Variants in TSC1 observed in about 807,000 individuals in gnomAD.
TSC1 encodes the protein TSC complex subunit 1, also known as hamartin.
A neutral mutation model predicts 124.3 loss-of-function variants in TSC1; 20 were observed. The ratio of observed to expected loss-of-function variants is 0.16; its 90% CI spans 0.11 to 0.23. The LOEUF is 0.23. TSC1 is among the 10% of genes least tolerant of loss of function. The pLI is 1.00. For missense variants in TSC1, 1,124 were observed against 1,448.5 expected (o/e 0.78, Z 3.64); for synonymous variants, 493 against 539.1 (o/e 0.91, Z 1.19).
chr9:132,904,711 G>A (rs545424229), intron 15 of TSC1, among the ~76,000 whole-genome samples: 7 of 152,316 alleles, frequency 4.6e-5, no homozygotes, highest in South Asian at 2.1e-4. Flanking sequence ...AATCCAGAGC[G>A]GAGAGGGTTG....
intron 8 of TSC1, among the ~76,000 whole-genome samples, chr9:132,916,271 C>T (rs950263385): frequency 2.0e-5 from 3 of 152,034 alleles, no homozygotes; most frequent in Non-Finnish European, 4.4e-5. Context: ...AAAGTCAATA[C>T]GGTACTAAAG....
At position 132,896,488 on chromosome 9, in the gene TSC1, A is replaced by G. The variant is rs2131599348; in HGVS notation, c.3242T>C (p.Leu1081Pro). 6.2e-7 allele frequency: 1 copy of G among 1,614,234 alleles called. No individual in the cohort carries two copies. The highest frequency in any genetic ancestry group is 8.5e-7 in the Non-Finnish European group (1 of 1,180,044). Reference sequence around the variant, plus strand: ...ACCCAGGAAGCTTTTTGAACTGGGAAGTGAGCCCACAGTGGTGGGGATGCT... The same window carrying G: ...ACCCAGGAAGCTTTTTGAACTGGGAGGTGAGCCCACAGTGGTGGGGATGCT... ...SASIPTTVGS[L>P]PSSKSFLGMK... Residue 1081 changes from leucine (L) to proline (P), a missense_variant, in exon 23 of 23, where the codon CTT (leucine) becomes CCT (proline). Transcript: ENST00000298552. This position sits in a 1 kb window ranked among gnomAD's most constrained non-coding sequence, Gnocchi z 4.5.
rs7044064 is a variant in TSC1 at position 132,902,064 on chromosome 9, T to C, written c.2392-365A>G. ...TACTAACTGGCTGGAAATGATGCTG[T>C]GTCTGTGGATGACGTCTTTGTGAAG... On this transcript the variant is annotated intron_variant, in intron 18 of 22. Coordinates refer to ENST00000298552, the MANE Select transcript of TSC1 (RefSeq NM_000368.5). This position sits in a 1 kb window ranked among gnomAD's most constrained non-coding sequence, Gnocchi z 5.2. 43,084 of 253,986 alleles carry C rather than the reference T, an allele frequency of 0.17. 4,641 individuals are homozygous for C. The highest frequency in any genetic ancestry group is 0.35 in the African/African-American group (15,227 of 43,930). The allele number at this position is 253,986 out of a possible 1,614,324, so 15.7% of individuals were successfully genotyped here. A position where few individuals can be genotyped will look rare whatever the true frequency, so the allele number is the denominator to read the frequency against.
In TSC1 at chr9:132,911,419, G is replaced by C. The variant is rs587778002; in HGVS notation, c.1029+34C>G. ...AAAGGGTCAGCTTCACCAGAAAGCA[G>C]AGGAGAGAGCAGGCACACTAGTTGA... On this transcript the variant is annotated intron_variant, in intron 10 of 22. Transcript: ENST00000298552. The C allele has an allele frequency of 9.3e-6, 14 of 1,508,122 alleles. No homozygotes were observed. The highest frequency in any genetic ancestry group is 1.7e-4 in the Middle Eastern group (1 of 5,884). 93.4% of individuals were successfully genotyped at this position (1,508,122 alleles called of 1,614,324 possible). A position where few individuals can be genotyped will look rare whatever the true frequency, so the allele number is the denominator to read the frequency against.
At chr9:132,919,186 T>C (rs777040812) in intron 8 of TSC1, among the ~76,000 whole-genome samples, 1 of 152,148 alleles carries the variant, frequency 6.6e-6, no homozygotes, top group Non-Finnish European at 1.5e-5. Flanking sequence ...CTAGGAAAGG[T>C]ACGGTAAAGA....
chr9:132,918,578 T>C (rs1476364150), intron 8 of TSC1, among the ~76,000 whole-genome samples: 2 of 152,140 alleles, frequency 1.3e-5, no homozygotes, highest in Admixed American at 6.5e-5. Flanking sequence ...ATGAGTGCCA[T>C]TCCAAATGAG....
In TSC1 at chr9:132,914,703, C is replaced by T. The variant is rs367866704; in HGVS notation, c.738-2246G>A. Among the ~76,000 whole-genome samples, 336 of 114,290 alleles carry T rather than the reference C, an allele frequency of 2.9e-3. 10 individuals are homozygous for T. In the East Asian group the frequency reaches 0.071, roughly 24 times the overall value. The allele number at this position is 114,290 out of a possible 152,430, so 75.0% of individuals were successfully genotyped here. A position where few individuals can be genotyped will look rare whatever the true frequency, so the allele number is the denominator to read the frequency against. On this transcript the variant is annotated intron_variant, in intron 8 of 22. Transcript: ENST00000298552. Reference sequence around the variant, plus strand: ...AAAACCCCATCTTAAAAAAAAAATACAAAAAAAAAAAAAAAATTAGCCAGG... The same window carrying T: ...AAAACCCCATCTTAAAAAAAAAATATAAAAAAAAAAAAAAAATTAGCCAGG...
Position 132,908,613 on chromosome 9 carries a change from CT to C in TSC1, c.1264-1244del, listed in dbSNP as rs754733739. On this transcript the variant is annotated intron_variant, in intron 12 of 22. Transcript: ENST00000298552. ...TACAGATGCACATCACCACACCTGGCTTTTTTTTTTTTTTTAGTTGAGATGG... is the reference window on the plus strand; with the variant it reads ...TACAGATGCACATCACCACACCTGGCTTTTTTTTTTTTTTAGTTGAGATGG... Among the ~76,000 whole-genome samples the C allele has an allele frequency of 5.3e-3, 745 of 139,814 alleles. 2 individuals are homozygous for C. Among genetic ancestry groups the C allele is most frequent in the African/African-American group, 7.1e-3 (272 of 38,270 alleles). The allele number at this position is 139,814 out of a possible 152,430, so 91.7% of individuals were successfully genotyped here. A position where few individuals can be genotyped will look rare whatever the true frequency, so the allele number is the denominator to read the frequency against.
chr9:132,910,572 T>G lies in TSC1; in HGVS notation c.1262A>C (p.Lys421Thr). 1 of 1,614,046 alleles carries G rather than the reference T, an allele frequency of 6.2e-7. No homozygotes were observed. Among genetic ancestry groups the G allele is most frequent in the Non-Finnish European group, 8.5e-7 (1 of 1,180,032 alleles). Reference sequence around the variant, plus strand: ...GATAGCAGACGAGCTGGATCGCACCTTCCTGGGGGGTGTGACTGTGGCCTG... The same window carrying G: ...GATAGCAGACGAGCTGGATCGCACCGTCCTGGGGGGTGTGACTGTGGCCTG... ...LPQATVTPPR[K>T]EERMDSARPC... Residue 421 changes from lysine to threonine, a missense_variant and splice_region_variant, in exon 12 of 23, where the codon AAG (lysine) becomes ACG (threonine). Transcript: ENST00000298552.
At chr9:132,904,365 G>C in intron 16 of TSC1, 46 bp downstream of exon 16, 1 of 1,608,776 alleles carries the variant, frequency 6.2e-7, no homozygotes, top group Non-Finnish European at 8.5e-7. Context: ...CAACAAGCAA[G>C]CAGGAACCAT....
intron 1 of TSC1, 95 bp from the exon 2 acceptor site, chr9:132,935,190 A>G (rs1847395121): frequency 2.5e-6 from 1 of 396,862 alleles, no homozygotes; most frequent in African/African-American, 2.1e-5. Context: ...TTCCTCCTCT[A>G]TCCCTGACAG....
rs35234317 is a variant in TSC1, at chr9:132,908,901, C to CTTTTTTTTTTTTT, written c.1264-1544_1264-1532dup. Among the ~76,000 whole-genome samples, 132 of 121,494 alleles carry CTTTTTTTTTTTTT rather than the reference C, an allele frequency of 1.1e-3. 5 individuals are homozygous for CTTTTTTTTTTTTT. The highest frequency in any genetic ancestry group is 1.5e-3 in the Non-Finnish European group (88 of 57,626). The allele number at this position is 121,494 out of a possible 152,430, so 79.7% of individuals were successfully genotyped here. A position where few individuals can be genotyped will look rare whatever the true frequency, so the allele number is the denominator to read the frequency against. ...TTAAAACCCACTAGTCTACCTTGCACTTTTTTTTTTTTTTTTTGTGACAGT... is the reference window on the plus strand; with the variant it reads ...TTAAAACCCACTAGTCTACCTTGCACTTTTTTTTTTTTTTTTTTTTTTTTTTTTTTGTGACAGT... On this transcript the variant is annotated intron_variant, in intron 12 of 22. Transcript: ENST00000298552.
chr9:132,916,111 T>C (rs1193534057), intron 8 of TSC1, among the ~76,000 whole-genome samples: 1 of 152,220 alleles, frequency 6.6e-6, no homozygotes, highest in African/African-American at 2.4e-5. Context: ...AAAAGGACTT[T>C]TCATATTTTA....
At position 132,892,708 on chromosome 9, in the gene TSC1, A is replaced by G; in HGVS notation, c.*3527T>C. On this transcript the variant is annotated 3_prime_UTR_variant, in exon 23 of 23. Transcript: ENST00000298552. Reference sequence around the variant, plus strand: ...TTGCTCTTCGGTTCTTTCCTTCTTCAAGTGGTATGCTCTACTATTTGGTAG... The same window carrying G: ...TTGCTCTTCGGTTCTTTCCTTCTTCGAGTGGTATGCTCTACTATTTGGTAG... 4.3e-6 allele frequency: 1 copy of G among 233,280 alleles called. No homozygotes were observed. Among genetic ancestry groups the G allele is most frequent in the Non-Finnish European group, 8.5e-6 (1 of 118,068 alleles). The allele number at this position is 233,280 out of a possible 1,614,324, so 14.5% of individuals were successfully genotyped here. A position where few individuals can be genotyped will look rare whatever the true frequency, so the allele number is the denominator to read the frequency against.
intron 20 of TSC1, 139 bp downstream of exon 20, chr9:132,900,576 G>A: frequency 2.1e-6 from 3 of 1,415,382 alleles, no homozygotes; most frequent in South Asian, 1.2e-5. Context: ...TTGTATAGCT[G>A]GACCACGGAG....
chr9:132,907,277 CCT>C (rs1845720639), intron 13 of TSC1, 22 bp downstream of exon 13: 10 of 1,603,042 alleles, frequency 6.2e-6, no homozygotes, highest in Non-Finnish European at 8.5e-6. Flanking sequence ...GCAAGCAAGG[CCT>C]GTAGTAACGC....
chr9:132,935,360 A>G (rs1401409939), intron 1 of TSC1, among the ~76,000 whole-genome samples: 1 of 152,248 alleles, frequency 6.6e-6, no homozygotes, highest in Admixed American at 6.5e-5. Context: ...GGTATAAATG[A>G]ATGGGCAGGA....
Position 132,903,262 on chromosome 9 carries a change from A to C in TSC1, c.2208+389T>G, listed in dbSNP as rs933181322. On this transcript the variant is annotated intron_variant, in intron 17 of 22. Transcript: ENST00000298552. The surrounding 1 kb of genome is among the most constrained non-coding windows in gnomAD (Gnocchi z 5.9). ...CTTCAAGAGGCCACGTTACTTTTCTAAGGTAACACTGGTAGAGCCAAGATT... is the reference window on the plus strand; with the variant it reads ...CTTCAAGAGGCCACGTTACTTTTCTCAGGTAACACTGGTAGAGCCAAGATT... Among the ~76,000 whole-genome samples, 2 of 152,222 alleles carry C rather than the reference A, an allele frequency of 1.3e-5. No homozygotes were observed. The highest frequency in any genetic ancestry group is 4.8e-5 in the African/African-American group (2 of 41,458).
intron 8 of TSC1, among the ~76,000 whole-genome samples, chr9:132,915,122 G>A (rs1024414689): frequency 1.3e-5 from 2 of 151,388 alleles, no homozygotes; most frequent in Admixed American, 6.6e-5. Context: ...GGAGGTTGAG[G>A]CTGCCATGAG....
Sources: allele counts gnomAD v4.1 joint callset (sites outside exome capture counted in the v4.1 genomes callset), GRCh38; gene constraint gnomAD v4.1.1; non-coding constraint Gnocchi (gnomAD v3.1); transcripts MANE v1.5; gene names NCBI Gene and HGNC (gene_info 2026-07-23, HGNC 2026-07-21).